The following KCNK5 variants were observed in gnomAD, a reference collection of about 807,000 sequenced individuals.
KCNK5 encodes potassium channel subfamily K member 5.
A neutral mutation model predicts 32.9 loss-of-function variants in KCNK5; 18 were observed. That is an observed-to-expected ratio of 0.55 (90% confidence interval 0.38 to 0.81). KCNK5 has a LOEUF of 0.81. Ranked by LOEUF, KCNK5 falls within the 30% of genes least tolerant of loss-of-function variation. The pLI is 0.00. For missense variants in KCNK5, 507 were observed against 651.0 expected, an observed-to-expected ratio of 0.78 and a Z score of 2.41; for synonymous variants, 276 against 275.3, an observed-to-expected ratio of 1.00 and a Z score of -0.03.
intron 1 of KCNK5, among the ~76,000 whole-genome samples, chr6:39,217,980 G>A (rs949111374): frequency 3.3e-5 from 5 of 152,148 alleles, no homozygotes; most frequent in African/African-American, 1.2e-4. Flanking sequence ...GTGTGTTGGG[G>A]CAGGTTAGGA....
Position 39,194,030 on chromosome 6 carries a change from G to T in KCNK5, c.634+139C>A. On this transcript the variant is annotated intron_variant, in intron 4 of 4. Coordinates refer to ENST00000359534, the MANE Select transcript of KCNK5 (RefSeq NM_003740.4). The surrounding 1 kb of genome is among the most constrained non-coding windows in gnomAD (Gnocchi z 4.7). ...GGGTCTTAGTTTCCTCTTGCAAATG[G>T]CAGAGTGGGTTGAGAATCCCACTGG... The T allele has an allele frequency of 1.2e-6, 1 of 864,232 alleles. No homozygotes were observed. The highest frequency in any genetic ancestry group is 1.9e-6 in the Non-Finnish European group (1 of 539,004). 53.5% of individuals were successfully genotyped at this position (864,232 alleles called of 1,614,324 possible). A position where few individuals can be genotyped will look rare whatever the true frequency, so the allele number is the denominator to read the frequency against.
In KCNK5 at chr6:39,229,410, G is replaced by C. The variant is rs1203667180; in HGVS notation, c.-299C>G. Reference sequence around the variant, plus strand: ...AAGGAGCGGGAAGAACACAGGACTTGACTCTGGGCAGACACGTGGGCCGCT... The same window carrying C: ...AAGGAGCGGGAAGAACACAGGACTTCACTCTGGGCAGACACGTGGGCCGCT... On this transcript the variant is annotated 5_prime_UTR_variant, in exon 1 of 5. Coordinates refer to ENST00000359534, the MANE Select transcript of KCNK5 (RefSeq NM_003740.4). The C allele has an allele frequency of 7.1e-6, 3 of 424,228 alleles. No homozygotes were observed. Among genetic ancestry groups the C allele is most frequent in the Non-Finnish European group, 1.3e-5 (3 of 229,356 alleles). The allele number at this position is 424,228 out of a possible 1,614,324, so 26.3% of individuals were successfully genotyped here.
At chr6:39,216,566 C>T (rs1167708177) in intron 1 of KCNK5, among the ~76,000 whole-genome samples, 1 of 152,180 alleles carries the variant, frequency 6.6e-6, no homozygotes, top group Non-Finnish European at 1.5e-5. Flanking sequence ...AGCTCTGGCT[C>T]TGGACTCAGA....
intron 1 of KCNK5, among the ~76,000 whole-genome samples, chr6:39,209,079 A>T (rs1771280690): frequency 6.6e-6 from 1 of 151,100 alleles, no homozygotes; most frequent in Non-Finnish European, 1.5e-5. Flanking sequence ...TGACAGAGAG[A>T]GATTCAGTCT....
At chr6:39,192,967 G>A (rs1328130103) in intron 4 of KCNK5, among the ~76,000 whole-genome samples, 2 of 152,200 alleles carry the variant, frequency 1.3e-5, no homozygotes, top group African/African-American at 2.4e-5. Flanking sequence ...GATAGCAGGT[G>A]CCCTGAGTGG....
chr6:39,212,313 G>A (rs965185958), intron 1 of KCNK5, among the ~76,000 whole-genome samples: 8 of 152,280 alleles, frequency 5.3e-5, no homozygotes, highest in East Asian at 1.9e-4. Flanking sequence ...GTAAGCAGGC[G>A]TAATGATTAG....
At chr6:39,206,817 T>C (rs1353141756) in intron 1 of KCNK5, among the ~76,000 whole-genome samples, 1 of 152,156 alleles carries the variant, frequency 6.6e-6, no homozygotes, top group Admixed American at 6.5e-5. Flanking sequence ...ACAAGAGTCA[T>C]GGCTTCACTG....
intron 1 of KCNK5, among the ~76,000 whole-genome samples, chr6:39,197,712 A>G (rs1455080912): frequency 6.6e-6 from 1 of 152,268 alleles, no homozygotes; most frequent in Non-Finnish European, 1.5e-5. Context: ...CAGATGGCAG[A>G]GAAAGCGGAA....
At chr6:39,212,419 C>T (rs1281561049) in intron 1 of KCNK5, among the ~76,000 whole-genome samples, 1 of 152,244 alleles carries the variant, frequency 6.6e-6, no homozygotes, top group Non-Finnish European at 1.5e-5. Context: ...CTACCTGCAG[C>T]CTCCTTTGGC....
chr6:39,206,055 AC>A (rs1213784814), intron 1 of KCNK5, among the ~76,000 whole-genome samples: 1 of 152,212 alleles, frequency 6.6e-6, no homozygotes, highest in Non-Finnish European at 1.5e-5. Flanking sequence ...AAATGGATAC[AC>A]TATTCCCATT....
At chr6:39,211,062 T>C (rs1771328748) in intron 1 of KCNK5, among the ~76,000 whole-genome samples, 1 of 152,166 alleles carries the variant, frequency 6.6e-6, no homozygotes, top group Non-Finnish European at 1.5e-5. Flanking sequence ...AGCCGTCCCC[T>C]TCTTCCATTC....
intron 1 of KCNK5, among the ~76,000 whole-genome samples, chr6:39,222,571 CCTGG>C (rs1419811208): frequency 3.3e-5 from 5 of 152,166 alleles, no homozygotes; most frequent in Non-Finnish European, 7.4e-5. Context: ...CTCTCACCTC[CCTGG>C]CCTGTGGCTA....
At chr6:39,201,480 A>C (rs986743130) in intron 1 of KCNK5, among the ~76,000 whole-genome samples, 13 of 151,348 alleles carry the variant, frequency 8.6e-5, no homozygotes, top group Non-Finnish European at 1.5e-4. Flanking sequence ...CAAACTCCTG[A>C]CCTCCGGTGA....
chr6:39,216,730 C>T (rs558198395), intron 1 of KCNK5, among the ~76,000 whole-genome samples: 72 of 152,282 alleles, frequency 4.7e-4, no homozygotes, highest in Non-Finnish European at 8.2e-4. Flanking sequence ...GCTCCCGTTA[C>T]GGCTGTCATG....
intron 1 of KCNK5, among the ~76,000 whole-genome samples, chr6:39,206,569 C>T (rs557990930): frequency 6.6e-6 from 1 of 152,206 alleles, no homozygotes; most frequent in Non-Finnish European, 1.5e-5. Flanking sequence ...CCAGCTGCCC[C>T]TCGCGTGCTG....
intron 1 of KCNK5, among the ~76,000 whole-genome samples, chr6:39,216,006 G>A (rs1414864195): frequency 6.6e-6 from 1 of 152,240 alleles, no homozygotes; most frequent in Admixed American, 6.5e-5. Flanking sequence ...TATGGGGCCG[G>A]GCGTGGTGGC....
intron 4 of KCNK5, among the ~76,000 whole-genome samples, chr6:39,192,600 C>T (rs1014608465): frequency 3.9e-5 from 6 of 152,154 alleles, no homozygotes; most frequent in East Asian, 1.9e-4. Flanking sequence ...TGGCAAGAAA[C>T]GCTGAACCAT....
At position 39,191,172 on chromosome 6, in the gene KCNK5, G is replaced by A. The variant is rs754205000; in HGVS notation, c.1218C>T (p.Asp406=). ...DRISEECEPW[D]AQDYHPLIFQ... Reference sequence around the variant, plus strand: ...AGATGAGTGGGTGGTAGTCCTGGGCGTCCCATGGCTCGCATTCCTCGCTGA... The same window carrying A: ...AGATGAGTGGGTGGTAGTCCTGGGCATCCCATGGCTCGCATTCCTCGCTGA... The change falls in exon 5 of 5, where the codon GAC becomes GAT. Residue 406 remains aspartate, a synonymous_variant. Transcript: ENST00000359534. This position sits in a 1 kb window ranked among gnomAD's most constrained non-coding sequence, Gnocchi z 5.8. 8 of 1,614,114 alleles carry A rather than the reference G, an allele frequency of 5.0e-6. No individual in the cohort carries two copies. The highest frequency in any genetic ancestry group is 2.2e-5 in the East Asian group (1 of 44,886).
chr6:39,212,709 C>A (rs1269278695), intron 1 of KCNK5, among the ~76,000 whole-genome samples: 2 of 152,186 alleles, frequency 1.3e-5, no homozygotes, highest in African/African-American at 4.8e-5. Context: ...TGGATCAACA[C>A]TGGAAACAGC....
Sources: allele counts gnomAD v4.1 joint callset (sites outside exome capture counted in the v4.1 genomes callset), GRCh38; gene constraint gnomAD v4.1.1; non-coding constraint Gnocchi (gnomAD v3.1); transcripts MANE v1.5; gene names NCBI Gene and HGNC (gene_info 2026-07-23, HGNC 2026-07-21).